Variants in SZT2 observed in about 807,000 individuals in gnomAD.
The protein encoded by SZT2 is KICSTOR complex protein SZT2.
A neutral mutation model predicts 404.2 loss-of-function variants in SZT2; 216 were observed. The ratio of observed to expected loss-of-function variants is 0.53; its 90% CI spans 0.48 to 0.60. The LOEUF (loss-of-function observed/expected upper bound fraction) is 0.60, where lower values mean the gene tolerates loss of function less well. Ranked by LOEUF, SZT2 falls within the 20% of genes least tolerant of loss-of-function variation. The pLI, the probability that SZT2 is intolerant of heterozygous loss-of-function variation, is 0.00. For missense variants in SZT2, 3,857 were observed against 4,459.2 expected (o/e 0.86, Z 3.85); for synonymous variants, 1,693 against 1,749.9 (o/e 0.97, Z 0.81).
chr1:43,443,606 C>T lies in SZT2; in HGVS notation c.8635C>T (p.Arg2879Cys), dbSNP rs769509671. ...SGPPDGQRRH[R>C]PESGSGSREA... ...ATCTTTACTCTCATAGCGGCGCCAT[C>T]GCCCTGAGTCAGGGTCTGGGAGCCG... Residue 2879 changes from arginine (R) to cysteine (C), a missense_variant, in exon 62 of 72, where the codon CGC becomes TGC. Around this residue, in one of 7 missense-constraint regions of SZT2, gnomAD observed 717 missense variants for 868.2 expected, o/e 0.83. Coordinates refer to ENST00000634258, the MANE Select transcript of SZT2 (RefSeq NM_001365999.1). 9.3e-6 allele frequency: 15 copies of T among 1,614,038 alleles called. No homozygotes were observed. In the South Asian group the frequency reaches 9.9e-5, roughly 11 times the overall value.
rs1654791265 is a variant in SZT2, at chr1:43,439,186, C to T, written c.6792+93C>T. On this transcript the variant is annotated intron_variant, in intron 48 of 71. Coordinates refer to ENST00000634258, the MANE Select transcript of SZT2 (RefSeq NM_001365999.1). The surrounding 1 kb of genome is among the most constrained non-coding windows in gnomAD (Gnocchi z 4.2). ...TTCCTACCGATACCCCTATATGTAC[C>T]TTTGCCCATGGACCTGGGTACACCC... 5 of 1,580,148 alleles carry T rather than the reference C, an allele frequency of 3.2e-6. No homozygotes were observed. In the East Asian group the frequency reaches 1.1e-4, roughly 35 times the overall value.
chr1:43,425,372 T>C lies in SZT2; in HGVS notation c.2646-102T>C. ...GGCAGACGCTGGTCTGGGAAGGCCT[T>C]GTATGACTCGTGGCTGTCCTCTGTG... On this transcript the variant is annotated intron_variant, in intron 18 of 71. Transcript: ENST00000634258. This position sits in a 1 kb window ranked among gnomAD's most constrained non-coding sequence, Gnocchi z 4.3. 6.4e-7 allele frequency: 1 copy of C among 1,552,752 alleles called. No homozygotes were observed. Among genetic ancestry groups the C allele is most frequent in the Non-Finnish European group, 8.8e-7 (1 of 1,138,084 alleles).
Position 43,424,524 on chromosome 1 carries a change from C to G in SZT2, c.2471+92C>G. The G allele has an allele frequency of 7.7e-7, 1 of 1,294,578 alleles. No individual in the cohort carries two copies. Among genetic ancestry groups the G allele is most frequent in the Non-Finnish European group, 1.1e-6 (1 of 925,004 alleles). 80.2% of individuals were successfully genotyped at this position (1,294,578 alleles called of 1,614,324 possible). On this transcript the variant is annotated intron_variant, in intron 16 of 71. Transcript: ENST00000634258. The surrounding 1 kb of genome is among the most constrained non-coding windows in gnomAD (Gnocchi z 4.1). ...CAAAAAGCCTATAGCACACACTTCT[C>G]CTCTCTAATTCCCAGTCTGAAGTAT...
Position 43,432,330 on chromosome 1 carries a change from T to G in SZT2, c.5333T>G (p.Phe1778Cys), listed in dbSNP as rs771463216. ...HVLLEDPDSG[F>C]FFVAAGQQPG... The stretch of plus-strand genomic sequence containing the variant: ...CTTCTTGAAGACCCTGACAGTGGCT[T>G]CTTCTTTGTGGCAGCTGGCCAACAG... Residue 1778 changes from phenylalanine to cysteine, a missense_variant, in exon 37 of 72, where the codon TTC (phenylalanine) becomes TGC (cysteine). This residue lies in a region of SZT2 where 1,725 missense variants were observed against 1,881.0 expected (regional missense o/e 0.92). Coordinates refer to ENST00000634258, the MANE Select transcript of SZT2 (RefSeq NM_001365999.1). 2.9e-5 allele frequency: 46 copies of G among 1,605,438 alleles called. No homozygotes were observed. Among genetic ancestry groups the G allele is most frequent in the Non-Finnish European group, 3.4e-5 (40 of 1,176,572 alleles).
In SZT2 at chr1:43,422,205, G is replaced by A; in HGVS notation, c.1749G>A (p.Val583=). The stretch of plus-strand genomic sequence containing the variant: ...GATGGCTGCACATGCATCGCCTGGT[G>A]CTAATCCTGGAGCATGACACGTGGG... The part of the protein sequence containing the change: ...WQRWLHMHRL[V]LILEHDTPIP... Residue 583 remains valine, a synonymous_variant, in exon 12 of 72, where the codon GTG becomes GTA. Coordinates refer to ENST00000634258, the MANE Select transcript of SZT2 (RefSeq NM_001365999.1). 6.3e-7 allele frequency: 1 copy of A among 1,589,670 alleles called. No individual in the cohort carries two copies. The highest frequency in any genetic ancestry group is 8.5e-7 in the Non-Finnish European group (1 of 1,173,304).
intron 1 of SZT2, among the ~76,000 whole-genome samples, chr1:43,395,170 G>A (rs1336966880): frequency 6.6e-6 from 1 of 152,184 alleles, no homozygotes; most frequent in African/African-American, 2.4e-5. Flanking sequence ...CTAATAGTCT[G>A]TGCCCTCTGT....
At chr1:43,390,494 G>C (rs909052787) in intron 1 of SZT2, among the ~76,000 whole-genome samples, 1 of 152,212 alleles carries the variant, frequency 6.6e-6, no homozygotes, top group African/African-American at 2.4e-5. Context: ...CTGTCATGTA[G>C]CTAATCTGTG....
Position 43,439,574 on chromosome 1 carries a change from G to T in SZT2, c.6878-31G>T, listed in dbSNP as rs1018634596. The T allele has an allele frequency of 1.2e-6, 2 of 1,613,300 alleles. No homozygotes were observed. The highest frequency in any genetic ancestry group is 3.3e-4 in the Middle Eastern group (2 of 6,062). On this transcript the variant is annotated intron_variant, in intron 49 of 71. Coordinates refer to ENST00000634258, the MANE Select transcript of SZT2 (RefSeq NM_001365999.1). The surrounding 1 kb of genome is among the most constrained non-coding windows in gnomAD (Gnocchi z 4.2). ...TGGGAGGGGTGGTCTGCAAGTCCCA[G>T]AGCTGAGCCTTCCTATGGATTTCTA...
chr1:43,452,582 C>T lies in SZT2; in HGVS notation c.*2102C>T, dbSNP rs1656563937. 1.8e-5 allele frequency: 11 copies of T among 608,940 alleles called. No homozygotes were observed. Among genetic ancestry groups the T allele is most frequent in the Admixed American group, 2.6e-5 (1 of 38,030 alleles). 37.7% of individuals were successfully genotyped at this position (608,940 alleles called of 1,614,324 possible). ...AACCTTTCCTTCCCTCGGTCCTTCT[C>T]CGCAACCTGTAACCTGCTAAATTCT... On this transcript the variant is annotated 3_prime_UTR_variant, in exon 72 of 72. Coordinates refer to ENST00000634258, the MANE Select transcript of SZT2 (RefSeq NM_001365999.1).
intron 61 of SZT2, 58 bp from the exon 62 acceptor site, chr1:43,443,539 C>T: frequency 6.2e-7 from 1 of 1,611,444 alleles, no homozygotes; most frequent in South Asian, 1.1e-5. Flanking sequence ...CCCCCTCCTC[C>T]ATCCCCAGCA....
chr1:43,419,398 A>G (rs934697477), intron 7 of SZT2, among the ~76,000 whole-genome samples: 3 of 152,230 alleles, frequency 2.0e-5, no homozygotes, highest in African/African-American at 7.2e-5. Context: ...CATACACCCT[A>G]AAGTTTGAGA....
In SZT2 at chr1:43,415,980, C is replaced by T. The variant is rs1260503096; in HGVS notation, c.651C>T (p.Asp217=). Residue 217 remains aspartate (D), a synonymous_variant, in exon 6 of 72, where the codon GAC becomes GAT. Coordinates refer to ENST00000634258, the MANE Select transcript of SZT2 (RefSeq NM_001365999.1). ...PQSQAEDQSP[D]SGDLLGRKVG... ...GGCAGGCAGAAGACCAGTCCCCAGA[C>T]TCAGGGGACCTACTGGGCCGGAAGG... The T allele has an allele frequency of 5.6e-6, 9 of 1,597,694 alleles. No homozygotes were observed. The highest frequency in any genetic ancestry group is 7.6e-6 in the Non-Finnish European group (9 of 1,179,554).
chr1:43,447,365 T>G (rs1407585709), intron 66 of SZT2, among the ~76,000 whole-genome samples, 180 bp from the exon 67 acceptor site: 2 of 152,248 alleles, frequency 1.3e-5, no homozygotes, highest in East Asian at 3.8e-4. Context: ...ACATGTCCCC[T>G]GCCCTCTGAG....
At chr1:43,440,818 A>G (rs1157884869) in intron 52 of SZT2, among the ~76,000 whole-genome samples, 2 of 152,182 alleles carry the variant, frequency 1.3e-5, no homozygotes, top group Non-Finnish European at 2.9e-5. Flanking sequence ...GTACGTTGTG[A>G]TCATGCCTGT....
In SZT2 at chr1:43,441,597, G is replaced by C. The variant is rs1245574314; in HGVS notation, c.7605G>C (p.Gln2535His). The C allele has an allele frequency of 6.2e-7, 1 of 1,614,144 alleles. No homozygotes were observed. The highest frequency in any genetic ancestry group is 8.5e-7 in the Non-Finnish European group (1 of 1,180,012). The change falls in exon 54 of 72, where the codon CAG becomes CAC. Residue 2535 changes from glutamine (Q) to histidine (H), a missense_variant. By Grantham distance (24) the Gln-to-His change is conservative. Transcript: ENST00000634258. The surrounding 1 kb of genome is among the most constrained non-coding windows in gnomAD (Gnocchi z 4.8). ...VAQRWMEFMV[Q>H]IGCASVSRSS... The stretch of plus-strand genomic sequence containing the variant: ...AGCGCTGGATGGAGTTTATGGTTCA[G>C]ATTGGTGAGACCCCAGCCTCCCCTC...
chr1:43,438,289 C>T (rs535647711), intron 46 of SZT2: 27 of 340,302 alleles, frequency 7.9e-5, no homozygotes, highest in East Asian at 6.9e-4. Flanking sequence ...AGACTGGGTT[C>T]GGGGTGAAGA....
At position 43,439,114 on chromosome 1, in the gene SZT2, C is replaced by T. The variant is rs763583226; in HGVS notation, c.6792+21C>T. The T allele has an allele frequency of 8.1e-6, 13 of 1,613,966 alleles. No individual in the cohort carries two copies. Among genetic ancestry groups the T allele is most frequent in the Non-Finnish European group, 1.1e-5 (13 of 1,179,950 alleles). On this transcript the variant is annotated intron_variant, in intron 48 of 71. Transcript: ENST00000634258. The surrounding 1 kb of genome is among the most constrained non-coding windows in gnomAD (Gnocchi z 4.2). ...TCCAAGTGAGATGGCACTCATCTCT[C>T]TCCACACTCATGTGCACCCCTGCCC...
chr1:43,429,494 AAAAG>A, intron 28 of SZT2: 2 of 579,706 alleles, frequency 3.5e-6, no homozygotes, highest in Non-Finnish European at 6.0e-6. Context: ...TGTCCCAAAA[AAAAG>A]GAAAGAAAAA....
Position 43,427,540 on chromosome 1 carries a change from G to T in SZT2, c.3609G>T (p.Gln1203His). 6.2e-7 allele frequency: 1 copy of T among 1,614,224 alleles called. No homozygotes were observed. Among genetic ancestry groups the T allele is most frequent in the South Asian group, 1.1e-5 (1 of 91,090 alleles). The change falls in exon 26 of 72, where the codon CAG becomes CAT. Residue 1203 changes from glutamine (Q) to histidine (H), a missense_variant. Around this residue, in one of 7 missense-constraint regions of SZT2, gnomAD observed 1,725 missense variants for 1,881.0 expected, o/e 0.92. Coordinates refer to ENST00000634258, the MANE Select transcript of SZT2 (RefSeq NM_001365999.1). ...ACCTTTTCTTCACAGACAATGCCCA[G>T]AATCAAGGAGAGCTAAGTCCACCAT... is the stretch of plus-strand genomic sequence containing the variant. ...LSVTLASDNA[Q>H]NQGELSPPFR...
Sources: gnomAD v4.1 joint callset for allele counts (sites outside exome capture counted in the v4.1 genomes callset) on GRCh38, gnomAD v4.1.1 for gene constraint, gnomAD v4.1.1 regional missense constraint, Gnocchi (gnomAD v3.1) non-coding constraint, MANE v1.5 for transcripts, NCBI Gene and HGNC (gene_info 2026-07-23, HGNC 2026-07-21) for gene names.